Variants in KIF13B observed in about 807,000 individuals in gnomAD.
KIF13B encodes the protein kinesin-like protein KIF13B.
In KIF13B, 127 loss-of-function variants were observed where a neutral mutation model predicts 222.0. The ratio of observed to expected loss-of-function variants is 0.57; its 90% CI spans 0.50 to 0.66. The LOEUF (loss-of-function observed/expected upper bound fraction) is 0.66, where lower values mean the gene tolerates loss of function less well. Ranked by LOEUF, KIF13B falls within the 30% of genes least tolerant of loss-of-function variation. The pLI is 0.00. For synonymous variants in KIF13B, 976 were observed against 919.0 expected, an observed-to-expected ratio of 1.06 and a Z score of -1.12; for missense variants, 2,173 against 2,379.0, an observed-to-expected ratio of 0.91 and a Z score of 1.80.
At chr8:29,246,568 T>C (rs2130656528) in intron 1 of KIF13B, among the ~76,000 whole-genome samples, 1 of 152,252 alleles carries the variant, frequency 6.6e-6, no homozygotes, top group South Asian at 2.1e-4. Context: ...GAAATCCTAT[T>C]AAAATCTCAA....
intron 35 of KIF13B, among the ~76,000 whole-genome samples, chr8:29,103,062 G>A (rs1444503359): frequency 6.6e-6 from 1 of 152,004 alleles, no homozygotes; most frequent in Non-Finnish European, 1.5e-5. Context: ...CTAACATGAT[G>A]AAACCCCGTC....
chr8:29,081,375 C>A (rs1264196663), intron 37 of KIF13B, among the ~76,000 whole-genome samples: 2 of 152,174 alleles, frequency 1.3e-5, no homozygotes, highest in Non-Finnish European at 2.9e-5. Flanking sequence ...TCAGAAAGTC[C>A]ATTTTTTATT....
chr8:29,117,032 A>C (rs1563715510), intron 30 of KIF13B, 25 bp from the exon 31 acceptor site: 1 of 1,528,194 alleles, frequency 6.5e-7, no homozygotes, highest in Non-Finnish European at 8.8e-7. Context: ...GAGAGGAAAC[A>C]GGTTTCTCTC....
Position 29,134,902 on chromosome 8 carries a change from C to T in KIF13B, c.2614-692G>A, listed in dbSNP as rs540143208. Among the ~76,000 whole-genome samples the T allele has an allele frequency of 1.1e-4, 17 of 152,252 alleles. No homozygotes were observed. In the South Asian group the frequency reaches 3.5e-3, roughly 32 times the overall value. On this transcript the variant is annotated intron_variant, in intron 21 of 39. Transcript: ENST00000524189. ...GGGAAGGTGTATCAAAGGAAGCGTG[C>T]TCCGGACCAGGAGGGCAGGGTGCGG...
rs1807304007 is a variant in KIF13B at position 29,071,920 on chromosome 8, G to A, written c.4918C>T (p.Pro1640Ser). 1 of 1,437,934 alleles carries A rather than the reference G, an allele frequency of 7.0e-7. No homozygotes were observed. The highest frequency in any genetic ancestry group is 3.3e-5 in the Admixed American group (1 of 30,414). 89.1% of individuals were successfully genotyped at this position (1,437,934 alleles called of 1,614,324 possible). Reference protein sequence around the residue: ...PGRERPDLEAPAPGSPFRVRR... With the variant: ...PGRERPDLEASAPGSPFRVRR... ...ACGCGGAACGGGGAGCCGGGCGCCG[G>A]GGCCTCGAGGTCGGGGCGCTCCCGA... Residue 1640 changes from proline to serine, a missense_variant, in exon 39 of 40, where the codon CCG (proline) becomes TCG (serine). Physicochemically the swap from Pro to Ser is moderately conservative, Grantham distance 74 (BLOSUM62 -1). Coordinates refer to ENST00000524189, the MANE Select transcript of KIF13B (RefSeq NM_015254.4). This position sits in a 1 kb window ranked among gnomAD's most constrained non-coding sequence, Gnocchi z 4.9.
In KIF13B at chr8:29,167,477, G is replaced by A. The variant is rs750300915; in HGVS notation, c.1054C>T (p.His352Tyr). Residue 352 changes from histidine (H) to tyrosine (Y), a missense_variant, in exon 11 of 40, where the codon CAC becomes TAC. Physicochemically the swap from His to Tyr is moderately conservative, Grantham distance 83. Coordinates refer to ENST00000524189, the MANE Select transcript of KIF13B (RefSeq NM_015254.4). ...STLRYADRAK[H>Y]IVNHAVVNED... ...TTCACCACAGCGTGGTTTACAATGTGCTTGGCTCGATCTGCATACCGCAGA... is the reference window on the plus strand; with the variant it reads ...TTCACCACAGCGTGGTTTACAATGTACTTGGCTCGATCTGCATACCGCAGA... 1 of 1,613,968 alleles carries A rather than the reference G, an allele frequency of 6.2e-7. No individual in the cohort carries two copies. Among genetic ancestry groups the A allele is most frequent in the Non-Finnish European group, 8.5e-7 (1 of 1,179,858 alleles).
intron 4 of KIF13B, chr8:29,190,213 A>C (rs1473463874): frequency 6.6e-6 from 1 of 152,208 alleles, no homozygotes; most frequent in Admixed American, 6.5e-5. Context: ...TCATATCCTA[A>C]AGGAAGGAAT....
chr8:29,182,030 G>A, intron 6 of KIF13B, 24 bp from the exon 7 acceptor site: 1 of 1,589,648 alleles, frequency 6.3e-7, no homozygotes, highest in Non-Finnish European at 8.6e-7. Context: ...ACAAAGAAAT[G>A]ATTTTTTAAC....
intron 10 of KIF13B, among the ~76,000 whole-genome samples, chr8:29,169,372 A>T (rs1812140855): frequency 6.6e-6 from 1 of 152,192 alleles, no homozygotes; most frequent in Admixed American, 6.5e-5. Flanking sequence ...GTCCAACATG[A>T]TTTCCACTCC....
intron 37 of KIF13B, among the ~76,000 whole-genome samples, chr8:29,077,034 A>T (rs1163308200): frequency 6.6e-6 from 1 of 152,214 alleles, no homozygotes; most frequent in East Asian, 1.9e-4. Context: ...AGGAATGTGT[A>T]CTTTACACTG....
chr8:29,213,636 T>A (rs996340389), intron 2 of KIF13B, among the ~76,000 whole-genome samples: 32 of 152,090 alleles, frequency 2.1e-4, no homozygotes, highest in African/African-American at 7.5e-4. Context: ...AACACAATAG[T>A]AGGCATTTGT....
chr8:29,248,543 A>G (rs1387391042), intron 1 of KIF13B, among the ~76,000 whole-genome samples: 1 of 152,178 alleles, frequency 6.6e-6, no homozygotes, highest in Non-Finnish European at 1.5e-5. Context: ...CCAAGCGAAC[A>G]GGGTTTCCCC....
chr8:29,124,055 A>T lies in KIF13B; in HGVS notation c.3321T>A (p.Asp1107Glu). 6.2e-7 allele frequency: 1 copy of T among 1,612,694 alleles called. No homozygotes were observed. Residue 1107 changes from aspartate (D) to glutamate (E), a missense_variant, in exon 27 of 40, where the codon GAT (aspartate) becomes GAA (glutamate). Asp to Glu is a conservative substitution (Grantham distance 45). Around this residue, in one of 2 missense-constraint regions of KIF13B, gnomAD observed 1,480 missense variants for 1,722.8 expected, o/e 0.86. Coordinates refer to ENST00000524189, the MANE Select transcript of KIF13B (RefSeq NM_015254.4). ...TACTGACAAGCTTTTGCAATTGTTG[A>T]TCCAAGTACTCCTGACGTTTTGTTA... is the stretch of plus-strand genomic sequence containing the variant. ...NALTKRQEYLDQQLQKLVSKR... is the reference protein window; with the variant it reads ...NALTKRQEYLEQQLQKLVSKR...
In KIF13B at chr8:29,072,222, G is replaced by A. The variant is rs117202308; in HGVS notation, c.4616C>T (p.Pro1539Leu). Reference sequence around the variant, plus strand: ...GACCGCTGTGACAGCTATGACAGGCGGTGGGGAAGGCACTTTGGCAGGTTT... The same window carrying A: ...GACCGCTGTGACAGCTATGACAGGCAGTGGGGAAGGCACTTTGGCAGGTTT... ...CDKPAKVPSPPPVIAVTAVTP... is the reference protein window; with the variant it reads ...CDKPAKVPSPLPVIAVTAVTP... The change falls in exon 39 of 40, where the codon CCG becomes CTG. Residue 1539 changes from proline (P) to leucine (L), a missense_variant. Pro to Leu is a moderately conservative substitution (Grantham distance 98). Coordinates refer to ENST00000524189, the MANE Select transcript of KIF13B (RefSeq NM_015254.4). 0.014 allele frequency: 20,950 copies of A among 1,466,450 alleles called. 179 individuals are homozygous for A. Among genetic ancestry groups the A allele is most frequent in the Non-Finnish European group, 0.016 (17,956 of 1,111,322 alleles). 90.8% of individuals were successfully genotyped at this position (1,466,450 alleles called of 1,614,324 possible).
At chr8:29,124,753 G>A (rs532790098) in intron 26 of KIF13B, among the ~76,000 whole-genome samples, 3 of 152,090 alleles carry the variant, frequency 2.0e-5, no homozygotes, top group South Asian at 2.1e-4. Flanking sequence ...GCGTGGTGGC[G>A]GGTACCTGTA....
intron 2 of KIF13B, among the ~76,000 whole-genome samples, chr8:29,243,369 A>G (rs1343265120): frequency 2.1e-5 from 3 of 142,718 alleles, no homozygotes; most frequent in Non-Finnish European, 4.6e-5. Flanking sequence ...AAAAAATGTA[A>G]TAACTGGCCC....
At chr8:29,149,400 C>G (rs888605926) in intron 15 of KIF13B, among the ~76,000 whole-genome samples, 8 of 152,210 alleles carry the variant, frequency 5.3e-5, no homozygotes, top group Admixed American at 5.2e-4. Context: ...AGTATGACAT[C>G]TGGAGCACAC....
chr8:29,139,528 G>A (rs77178164), intron 21 of KIF13B, among the ~76,000 whole-genome samples: 350 of 152,236 alleles, frequency 2.3e-3, no homozygotes, highest in African/African-American at 8.2e-3. Context: ...CAATATACGC[G>A]AAGTCTTACA....
intron 36 of KIF13B, among the ~76,000 whole-genome samples, chr8:29,097,294 T>C (rs1448846340): frequency 1.5e-5 from 2 of 131,638 alleles, no homozygotes; most frequent in Non-Finnish European, 3.4e-5. Context: ...ATCAGGAAGA[T>C]ATAACAATCT....
Sources: allele counts gnomAD v4.1 joint callset (sites outside exome capture counted in the v4.1 genomes callset), GRCh38; gene constraint gnomAD v4.1.1; regional missense constraint gnomAD v4.1.1; non-coding constraint Gnocchi (gnomAD v3.1); transcripts MANE v1.5; gene names NCBI Gene and HGNC (gene_info 2026-07-23, HGNC 2026-07-21).